BCLAF3: variants seen among roughly 807,000 people sequenced by gnomAD.
The protein encoded by BCLAF3 is BCLAF1 and THRAP3 family member 3, also known as transient octamer binding factor 1.
BCLAF3 carries 24 observed loss-of-function variants against 51.2 expected under a neutral mutation model. That is an observed-to-expected ratio of 0.47 (90% CI 0.34 to 0.66). The LOEUF is 0.66. Ranked by LOEUF, BCLAF3 falls within the 30% of genes least tolerant of loss-of-function variation. The pLI is 0.01. For synonymous variants in BCLAF3, 152 were observed against 176.6 expected (o/e 0.86, Z 1.10); for missense variants, 465 against 525.1 (o/e 0.89, Z 1.12).
chrX:19,944,699 C>T (rs1366474626), intron 8 of BCLAF3, among the ~76,000 whole-genome samples: 2 of 84,143 alleles, frequency 2.4e-5, no homozygotes, highest in Non-Finnish European at 4.2e-5. Flanking sequence ...TCTCTGGCTG[C>T]CCTTAACATT....
Position 19,914,843 on chromosome X carries a change from G to A in BCLAF3, c.*2462C>T, listed in dbSNP as rs1040798242. On this transcript the variant is annotated 3_prime_UTR_variant, in exon 12 of 12. Coordinates refer to ENST00000379682, the MANE Select transcript of BCLAF3 (RefSeq NM_001367774.2). ...CAGAATAGTGCCTTCTGAGGTTGGT[G>A]AAACCAATAGGAAAGAAACATGACG... 4.5e-5 allele frequency: 5 copies of A among 111,983 alleles called. No individual in the cohort carries two copies. The highest frequency in any genetic ancestry group is 1.6e-4 in the African/African-American group (5 of 30,870). The allele number at this position is 111,983 out of a possible 1,213,427, so 9.2% of individuals were successfully genotyped here. A position where few individuals can be genotyped will look rare whatever the true frequency, so the allele number is the denominator to read the frequency against.
intron 8 of BCLAF3, among the ~76,000 whole-genome samples, chrX:19,941,486 A>T (rs1285586810): frequency 5.9e-5 from 6 of 101,664 alleles, no homozygotes; most frequent in African/African-American, 2.5e-4. Flanking sequence ...AGCTTTCTCC[A>T]TATGGCTAGC....
chrX:19,987,220 T>C (rs1177655456), intron 1 of BCLAF3, among the ~76,000 whole-genome samples: 1 of 112,012 alleles, frequency 8.9e-6, no homozygotes, highest in Non-Finnish European at 1.9e-5. Context: ...TTTCCTTTGA[T>C]TCCTTAACAT....
intron 3 of BCLAF3, 24 bp from the exon 4 acceptor site, chrX:19,965,730 C>T: frequency 3.6e-6 from 4 of 1,108,620 alleles, no homozygotes; most frequent in Non-Finnish European, 3.6e-6. Context: ...AAGCAGTTTA[C>T]ACTTGCAATA....
At chrX:19,959,002 G>A (rs1208930835) in intron 4 of BCLAF3, among the ~76,000 whole-genome samples, 1 of 111,977 alleles carries the variant, frequency 8.9e-6, no homozygotes, top group Non-Finnish European at 1.9e-5. Flanking sequence ...GCCAGAACTG[G>A]GCTGCCAGCC....
Position 19,918,567 on chromosome X carries a change from T to C in BCLAF3, c.2107-1233A>G, listed in dbSNP as rs1206506652. Among the ~76,000 whole-genome samples the C allele has an allele frequency of 9.5e-5, 8 of 84,362 alleles. No homozygotes were observed. The Admixed American group carries it at 1.1e-3, about 12-fold the overall frequency. The allele number at this position is 84,362 out of a possible 115,157, so 73.3% of individuals were successfully genotyped here. On this transcript the variant is annotated intron_variant, in intron 11 of 11. Coordinates refer to ENST00000379682, the MANE Select transcript of BCLAF3 (RefSeq NM_001367774.2). ...TTTTTTTTTTTTTTTTTTTTTGAGA[T>C]GGAGTCTCCGTTGCCCAGGCTGGAG...
At chrX:19,946,264 G>A (rs962086302) in intron 8 of BCLAF3, among the ~76,000 whole-genome samples, 2 of 112,482 alleles carry the variant, frequency 1.8e-5, no homozygotes, top group African/African-American at 6.5e-5. Context: ...GCTGTAGACC[G>A]GGGCTGTTCC....
chrX:19,965,457 C>T lies in BCLAF3; in HGVS notation c.861G>A (p.Lys287=). 8.3e-7 allele frequency: 1 copy of T among 1,211,789 alleles called. No homozygotes were observed. Among genetic ancestry groups the T allele is most frequent in the Admixed American group, 2.2e-5 (1 of 45,997 alleles). Residue 287 remains lysine, a synonymous_variant, in exon 4 of 12, where the codon AAG becomes AAA. Transcript: ENST00000379682. The part of the protein sequence containing the change: ...VSYDYRHKRP[K]LLDGDQDFSD... ...AAAAGTCCTGGTCCCCATCCAAGAG[C>T]TTAGGACGTTTGTGACGATAGTCAT...
At chrX:19,927,863 T>C (rs977431864) in intron 11 of BCLAF3, among the ~76,000 whole-genome samples, 1 of 107,751 alleles carries the variant, frequency 9.3e-6, no homozygotes, top group Non-Finnish European at 1.9e-5. Context: ...ATATTTATGC[T>C]GCATTTTCTC....
chrX:19,979,573 G>C (rs764223066), intron 1 of BCLAF3, among the ~76,000 whole-genome samples: 92 of 110,738 alleles, frequency 8.3e-4, no homozygotes, highest in African/African-American at 2.9e-3. Flanking sequence ...GTGGTGGTCT[G>C]GAACCAAACC....
At chrX:19,988,224 T>C (rs1178031161) in intron 1 of BCLAF3, among the ~76,000 whole-genome samples, 1 of 112,289 alleles carries the variant, frequency 8.9e-6, no homozygotes, top group Non-Finnish European at 1.9e-5. Flanking sequence ...TACCTGTCCC[T>C]CTCAGCTTTA....
chrX:19,970,083 T>C, intron 2 of BCLAF3, 141 bp downstream of exon 2: 1 of 513,418 alleles, frequency 1.9e-6, no homozygotes. Context: ...GCTACTAGAA[T>C]GTAGAAATAC....
Position 19,966,134 on chromosome X carries a change from T to C in BCLAF3, c.557A>G (p.Gln186Arg). The C allele has an allele frequency of 8.3e-7, 1 of 1,211,721 alleles. No homozygotes were observed. The highest frequency in any genetic ancestry group is 1.1e-6 in the Non-Finnish European group (1 of 895,475). The change falls in exon 3 of 12, where the codon CAG becomes CGG. Residue 186 changes from glutamine (Q) to arginine (R), a missense_variant. By Grantham distance (43) the Gln-to-Arg change is conservative. Coordinates refer to ENST00000379682, the MANE Select transcript of BCLAF3 (RefSeq NM_001367774.2). ...HQRIQEEKYS[Q>R]STRRGSEDFE... ...GTCTTCAGAGCCTCTTCTAGTTGAC[T>C]GGGAGTATTTTTCTTCTTGTATCCT... is the stretch of plus-strand genomic sequence containing the variant.
At chrX:19,921,836 C>T (rs1195971790) in intron 11 of BCLAF3, among the ~76,000 whole-genome samples, 1 of 108,578 alleles carries the variant, frequency 9.2e-6, no homozygotes, top group Non-Finnish European at 1.9e-5. Flanking sequence ...AATCCCACCT[C>T]TACTAAAAAC....
chrX:19,945,230 T>C (rs771697234), intron 8 of BCLAF3, among the ~76,000 whole-genome samples: 1 of 109,292 alleles, frequency 9.1e-6, no homozygotes, highest in African/African-American at 3.4e-5. Flanking sequence ...TGTCCTCCCG[T>C]AGCTCAGAGT....
In BCLAF3 at chrX:19,991,023, C is replaced by A. The variant is rs1203953277; in HGVS notation, c.-150G>T. Among the ~76,000 whole-genome samples, 1 of 108,797 alleles carries A rather than the reference C, an allele frequency of 9.2e-6. No homozygotes were observed. The highest frequency in any genetic ancestry group is 1.9e-5 in the Non-Finnish European group (1 of 51,802). The allele number at this position is 108,797 out of a possible 115,157, so 94.5% of individuals were successfully genotyped here. ...CTGCCGCCGCCTCCCACAGCAGCGA[C>A]ACCCCAGCCACCTCTGCCGGGCCGC... On this transcript the variant is annotated 5_prime_UTR_variant, in exon 1 of 12. Transcript: ENST00000379682.
rs1354943236 is a variant in BCLAF3, at chrX:19,913,226, A to G, written c.*4079T>C. The G allele has an allele frequency of 9.0e-6, 1 of 111,245 alleles. No individual in the cohort carries two copies. Among genetic ancestry groups the G allele is most frequent in the African/African-American group, 3.3e-5 (1 of 30,538 alleles). The allele number at this position is 111,245 out of a possible 1,213,427, so 9.2% of individuals were successfully genotyped here. ...GTAGCTGGGATTACAGGTGCATGCT[A>G]CTGCGCCCGGCTAATTTATGTATTT... On this transcript the variant is annotated 3_prime_UTR_variant, in exon 12 of 12. Transcript: ENST00000379682.
intron 8 of BCLAF3, among the ~76,000 whole-genome samples, chrX:19,940,160 A>G (rs1447743138): frequency 8.9e-6 from 1 of 112,469 alleles, no homozygotes; most frequent in Non-Finnish European, 1.9e-5. Context: ...ATGAATGCTC[A>G]GATTAAAGAA....
chrX:19,923,849 T>A lies in BCLAF3; in HGVS notation c.2106+5936A>T, dbSNP rs184124058. On this transcript the variant is annotated intron_variant, in intron 11 of 11. Transcript: ENST00000379682. The stretch of plus-strand genomic sequence containing the variant: ...AGTTTGATTATTTATTTATTTATTT[T>A]TTTTTTTTTTGAGACAGAATCTCAC... Among the ~76,000 whole-genome samples the A allele has an allele frequency of 9.0e-3, 957 of 106,417 alleles. 27 individuals are homozygous for A. The East Asian group carries it at 0.091, about 10-fold the overall frequency. The allele number at this position is 106,417 out of a possible 115,157, so 92.4% of individuals were successfully genotyped here.
Sources: gnomAD v4.1 joint callset for allele counts (sites outside exome capture counted in the v4.1 genomes callset) on GRCh38, gnomAD v4.1.1 for gene constraint, MANE v1.5 for transcripts, NCBI Gene and HGNC (gene_info 2026-07-23, HGNC 2026-07-21) for gene names.